Variants in GALNTL6 observed in about 807,000 individuals in gnomAD.
The protein encoded by GALNTL6 is polypeptide N-acetylgalactosaminyltransferase like 6, also known as polypeptide N-acetylgalactosaminyltransferase-like 6.
Under a neutral mutation model 73.7 loss-of-function variants are expected in GALNTL6, and 46 were observed. The observed-to-expected ratio is 0.62, with a 90% CI of 0.49 to 0.80. GALNTL6 has a LOEUF of 0.80. Among genes scored for constraint, GALNTL6 ranks in the 30% least tolerant of loss-of-function variants. The pLI, the probability that GALNTL6 is intolerant of heterozygous loss-of-function variation, is 0.00. For missense variants in GALNTL6, 604 were observed against 755.0 expected (o/e 0.80, Z 2.34); for synonymous variants, 259 against 263.7 (o/e 0.98, Z 0.17).
At chr4:172,452,008 C>G (rs1378101958) in intron 5 of GALNTL6, among the ~76,000 whole-genome samples, 4 of 152,006 alleles carry the variant, frequency 2.6e-5, no homozygotes, top group Non-Finnish European at 5.9e-5. Context: ...AAGACTCTGT[C>G]TCAAAAATAA....
intron 5 of GALNTL6, among the ~76,000 whole-genome samples, chr4:172,748,108 A>G (rs1340727153): frequency 6.6e-6 from 1 of 152,250 alleles, no homozygotes; most frequent in Non-Finnish European, 1.5e-5. Flanking sequence ...CAAAACACTT[A>G]TAATATTAAG....
intron 7 of GALNTL6, among the ~76,000 whole-genome samples, chr4:172,862,720 G>GAA (rs34253998): frequency 6.6e-6 from 1 of 151,720 alleles, no homozygotes. Flanking sequence ...AAAAGAGAAA[G>GAA]AAAAAACCCA....
intron 5 of GALNTL6, among the ~76,000 whole-genome samples, chr4:172,420,201 T>A (rs1731002260): frequency 6.6e-6 from 1 of 152,204 alleles, no homozygotes; most frequent in Non-Finnish European, 1.5e-5. Context: ...AGTGAGAATT[T>A]TTCTAGCAAA....
At chr4:172,858,471 G>A (rs889345294) in intron 7 of GALNTL6, among the ~76,000 whole-genome samples, 5 of 152,160 alleles carry the variant, frequency 3.3e-5, no homozygotes, top group African/African-American at 4.8e-5. Context: ...TATCATTTGA[G>A]CAGAAACCTG....
chr4:172,738,951 A>G (rs1009730013), intron 5 of GALNTL6, among the ~76,000 whole-genome samples: 6 of 152,216 alleles, frequency 3.9e-5, no homozygotes, highest in African/African-American at 1.4e-4. Context: ...AAGAGGTTGT[A>G]GAGACCAAAG....
At chr4:173,015,314 A>C (rs1440801978) in intron 11 of GALNTL6, among the ~76,000 whole-genome samples, 1 of 152,210 alleles carries the variant, frequency 6.6e-6, no homozygotes, top group African/African-American at 2.4e-5. Context: ...CAACTGTGGA[A>C]CTGGGTAACA....
At chr4:172,526,304 G>A (rs1454366157) in intron 5 of GALNTL6, among the ~76,000 whole-genome samples, 2 of 152,058 alleles carry the variant, frequency 1.3e-5, no homozygotes, top group South Asian at 2.1e-4. Context: ...TTTCAGCATC[G>A]CTCACTGGAG....
intron 2 of GALNTL6, among the ~76,000 whole-genome samples, chr4:172,226,388 C>G (rs150042389): frequency 6.6e-6 from 1 of 152,266 alleles, no homozygotes; most frequent in African/African-American, 2.4e-5. Context: ...AATCAAACAA[C>G]CTGCTATGAT....
chr4:172,007,777 TC>T (rs1333273462), intron 2 of GALNTL6, among the ~76,000 whole-genome samples: 1 of 152,168 alleles, frequency 6.6e-6, no homozygotes, highest in Non-Finnish European at 1.5e-5. Context: ...CATCCAGCAT[TC>T]CTTTGATCAT....
intron 2 of GALNTL6, among the ~76,000 whole-genome samples, chr4:171,941,178 A>T (rs542807939): frequency 6.6e-6 from 1 of 152,180 alleles, no homozygotes; most frequent in Non-Finnish European, 1.5e-5. Context: ...GGTTAAGCAG[A>T]GATGGAACCT....
chr4:172,522,670 C>G (rs58877326), intron 5 of GALNTL6, among the ~76,000 whole-genome samples: 43 of 60,486 alleles, frequency 7.1e-4, no homozygotes, highest in South Asian at 5.8e-3. Flanking sequence ...CTCAGTCCCC[C>G]CCCCCCCCAA....
chr4:172,766,053 A>AT (rs1178495389), intron 5 of GALNTL6, among the ~76,000 whole-genome samples: 5 of 152,180 alleles, frequency 3.3e-5, no homozygotes, highest in Non-Finnish European at 4.4e-5. Flanking sequence ...ATATAACATG[A>AT]TAGCAGAAAT....
intron 10 of GALNTL6, among the ~76,000 whole-genome samples, chr4:172,962,995 C>T (rs1750152842): frequency 6.6e-6 from 1 of 152,124 alleles, no homozygotes; most frequent in African/African-American, 2.4e-5. Flanking sequence ...CTTTCACTGG[C>T]TGCCATCTAT....
intron 5 of GALNTL6, among the ~76,000 whole-genome samples, chr4:172,467,962 T>G (rs1252527850): frequency 1.3e-5 from 2 of 150,550 alleles, no homozygotes. Context: ...GGTGTGATCA[T>G]AGCTCACTAC....
intron 5 of GALNTL6, among the ~76,000 whole-genome samples, chr4:172,805,856 A>T (rs555199589): frequency 6.6e-6 from 1 of 152,240 alleles, no homozygotes; most frequent in Non-Finnish European, 1.5e-5. Context: ...GTAAATTGGC[A>T]AATAGATGGG....
At chr4:172,528,322 ATAT>A (rs1561123386) in intron 5 of GALNTL6, among the ~76,000 whole-genome samples, 42 of 7,916 alleles carry the variant, frequency 5.3e-3, no homozygotes, top group African/African-American at 0.01. Flanking sequence ...GAAATAAAAT[ATAT>A]ATATATATAT....
chr4:171,971,496 A>G (rs1331394186), intron 2 of GALNTL6, among the ~76,000 whole-genome samples: 1 of 152,208 alleles, frequency 6.6e-6, no homozygotes, highest in Non-Finnish European at 1.5e-5. Context: ...TCTGATAGTA[A>G]ATAAAAGTTA....
chr4:172,457,731 G>A (rs1732450378), intron 5 of GALNTL6, among the ~76,000 whole-genome samples: 1 of 152,106 alleles, frequency 6.6e-6, no homozygotes, highest in South Asian at 2.1e-4. Context: ...GTGATACAAA[G>A]TGACTTAGAT....
intron 2 of GALNTL6, among the ~76,000 whole-genome samples, chr4:171,902,259 T>G (rs2110944681): frequency 6.6e-6 from 1 of 151,970 alleles, no homozygotes; most frequent in South Asian, 2.1e-4. Flanking sequence ...ATTCAGGAGG[T>G]TGTAAAAAAA....
Sources: gnomAD v4.1 joint callset for allele counts (sites outside exome capture counted in the v4.1 genomes callset) on GRCh38, gnomAD v4.1.1 for gene constraint, MANE v1.5 for transcripts, NCBI Gene and HGNC (gene_info 2026-07-23, HGNC 2026-07-21) for gene names.